RAB38: variants seen among roughly 807,000 people sequenced by gnomAD.
RAB38 encodes the protein ras-related protein Rab-38.
RAB38 carries 15 observed loss-of-function variants against 18.4 expected under a neutral mutation model. The ratio of observed to expected loss-of-function variants is 0.82; its 90% CI spans 0.55 to 1.26. The LOEUF (loss-of-function observed/expected upper bound fraction) is 1.26, where lower values mean the gene tolerates loss of function less well. Among genes scored for constraint, RAB38 ranks in the 50% most tolerant of loss-of-function variants. The pLI, the probability that RAB38 is intolerant of heterozygous loss-of-function variation, is 0.00. For synonymous variants in RAB38, 101 were observed against 104.4 expected (o/e 0.97, Z 0.20); for missense variants, 294 against 267.4 (o/e 1.10, Z -0.69).
the RAB38 span, among the ~76,000 whole-genome samples, chr11:87,943,808 C>T: frequency 3.9e-5 from 6 of 152,042 alleles, no homozygotes; most frequent in African/African-American, 1.4e-4. Context: ...ATTTTAGAGA[C>T]CAGTAAGTCT....
chr11:88,109,761 G>A (rs537327068), downstream of RAB38, among the ~76,000 whole-genome samples: 7 of 152,150 alleles, frequency 4.6e-5, no homozygotes, highest in Non-Finnish European at 5.9e-5. Flanking sequence ...ACAAACATAT[G>A]AATAAAAGCT....
At chr11:88,167,018 T>C (rs1396365874) in intron 1 of RAB38, 1 of 152,168 alleles carries the variant, frequency 6.6e-6, no homozygotes, top group African/African-American at 2.4e-5. Flanking sequence ...GACCCAGGGA[T>C]ACACTTTGGA....
At chr11:88,020,010 A>G in the RAB38 span, among the ~76,000 whole-genome samples, 1 of 152,168 alleles carries the variant, frequency 6.6e-6, no homozygotes, top group South Asian at 2.1e-4. Flanking sequence ...TTCTCATTTA[A>G]TGAGTATATA....
chr11:87,878,879 G>T, the RAB38 span, among the ~76,000 whole-genome samples: 3 of 151,086 alleles, frequency 2.0e-5, no homozygotes, highest in African/African-American at 7.3e-5. Context: ...CCATTCTTAT[G>T]CATTCTGTTA....
the RAB38 span, among the ~76,000 whole-genome samples, chr11:87,961,723 G>A: frequency 6.5e-4 from 99 of 152,246 alleles, no homozygotes; most frequent in African/African-American, 1.7e-3. Flanking sequence ...GGGACATCAC[G>A]CCATGAGCTG....
At chr11:88,159,634 T>G (rs113803479) in intron 1 of RAB38, among the ~76,000 whole-genome samples, 2 of 151,990 alleles carry the variant, frequency 1.3e-5, no homozygotes, top group African/African-American at 4.8e-5. Context: ...AACAGACACA[T>G]AGACCAATGA....
chr11:87,853,647 T>C, the RAB38 span, among the ~76,000 whole-genome samples: 1 of 137,166 alleles, frequency 7.3e-6, no homozygotes, highest in South Asian at 2.4e-4. Flanking sequence ...GTTTGTGATA[T>C]GGCAGTAGTG....
the RAB38 span, among the ~76,000 whole-genome samples, chr11:88,106,170 C>A: frequency 7.1e-6 from 1 of 141,338 alleles, no homozygotes; most frequent in African/African-American, 2.8e-5. Context: ...GTTTCCATGG[C>A]AACAGCTATC....
the RAB38 span, among the ~76,000 whole-genome samples, chr11:87,851,283 C>G: frequency 3.9e-5 from 6 of 152,186 alleles, no homozygotes; most frequent in African/African-American, 1.2e-4. Flanking sequence ...GAAGCTGTGT[C>G]TGGTTCACTT....
intron 1 of RAB38, chr11:88,166,538 T>C (rs925071036): frequency 5.3e-5 from 8 of 152,132 alleles, no homozygotes; most frequent in African/African-American, 1.7e-4. Context: ...ATAAAATGAC[T>C]GATATGGTTT....
At chr11:88,102,023 G>A in the RAB38 span, among the ~76,000 whole-genome samples, 3 of 151,908 alleles carry the variant, frequency 2.0e-5, no homozygotes, top group African/African-American at 7.2e-5. Flanking sequence ...TGTATGGTAC[G>A]CACAAGTAAA....
the RAB38 span, among the ~76,000 whole-genome samples, chr11:87,916,625 T>A: frequency 6.6e-6 from 1 of 152,274 alleles, no homozygotes; most frequent in East Asian, 1.9e-4. Context: ...CTTTTCTTTA[T>A]AAGTTACCCA....
chr11:87,807,907 A>G, the RAB38 span, among the ~76,000 whole-genome samples: 7 of 151,192 alleles, frequency 4.6e-5, no homozygotes, highest in African/African-American at 1.7e-4. Flanking sequence ...AGGAACAGGA[A>G]GAAAAATAAC....
chr11:87,889,539 A>G, the RAB38 span, among the ~76,000 whole-genome samples: 2 of 151,942 alleles, frequency 1.3e-5, no homozygotes, highest in Non-Finnish European at 2.9e-5. Flanking sequence ...TGATAGTTAT[A>G]ATTTTTGAGT....
intron 1 of RAB38, among the ~76,000 whole-genome samples, chr11:88,159,318 T>C (rs144221860): frequency 4.0e-5 from 6 of 151,062 alleles, no homozygotes; most frequent in African/African-American, 1.5e-4. Context: ...GAAACACTAC[T>C]AAAAACAATC....
At chr11:88,107,331 T>C in the RAB38 span, among the ~76,000 whole-genome samples, 1 of 152,136 alleles carries the variant, frequency 6.6e-6, no homozygotes, top group African/African-American at 2.4e-5. Context: ...TGCATTTCTA[T>C]TGATTTACCC....
the RAB38 span, among the ~76,000 whole-genome samples, chr11:87,861,848 T>A: frequency 1.3e-5 from 2 of 151,748 alleles, no homozygotes; most frequent in African/African-American, 4.8e-5. Flanking sequence ...TTTTCCTCAG[T>A]TAATAACGTA....
chr11:87,817,194 T>G, the RAB38 span: 3 of 152,188 alleles, frequency 2.0e-5, no homozygotes, highest in East Asian at 5.8e-4. Context: ...AAATCGGTAG[T>G]GTTCCCACAA....
the RAB38 span, among the ~76,000 whole-genome samples, chr11:87,878,251 CATCTATCTATCTATCTATCTATCT>C: frequency 5.6e-3 from 577 of 103,432 alleles, 48 homozygotes; most frequent in African/African-American, 0.027. Flanking sequence ...ACACACCTAT[CATCTATCTATCTATCTATCTATCT>C]ATCTATCTAT....
Sources: gnomAD v4.1 joint callset for allele counts (sites outside exome capture counted in the v4.1 genomes callset) on GRCh38, gnomAD v4.1.1 for gene constraint, MANE v1.5 for transcripts, NCBI Gene and HGNC (gene_info 2026-07-23, HGNC 2026-07-21) for gene names.